DGKB: variants seen among roughly 807,000 people sequenced by gnomAD.
The protein encoded by DGKB is 90 kDa diacylglycerol kinase.
In DGKB, 67 loss-of-function variants were observed where a neutral mutation model predicts 114.3. The observed-to-expected ratio is 0.59, with a 90% CI of 0.48 to 0.72. The LOEUF is 0.72. Ranked by LOEUF, DGKB falls within the 30% of genes least tolerant of loss-of-function variation. The pLI, the probability that DGKB is intolerant of heterozygous loss-of-function variation, is 0.00. For missense variants in DGKB, 907 were observed against 975.2 expected (o/e 0.93, Z 0.93); for synonymous variants, 398 against 323.1 (o/e 1.23, Z -2.49).
chr7:14,929,929 C>T (rs903601307), intron 1 of DGKB, among the ~76,000 whole-genome samples: 8 of 152,118 alleles, frequency 5.3e-5, no homozygotes, highest in African/African-American at 1.9e-4. Context: ...CAGTTTCATG[C>T]TTTTGCTTAC....
chr7:14,415,738 C>T (rs1371533663), intron 21 of DGKB, among the ~76,000 whole-genome samples: 1 of 152,114 alleles, frequency 6.6e-6, no homozygotes, highest in Non-Finnish European at 1.5e-5. Flanking sequence ...CCTACATGTG[C>T]ATGTGTCTTT....
At chr7:14,442,518 C>G (rs1013543188) in intron 21 of DGKB, among the ~76,000 whole-genome samples, 1 of 151,978 alleles carries the variant, frequency 6.6e-6, no homozygotes, top group African/African-American at 2.4e-5. Context: ...ATGTGTTTAA[C>G]TCTCCTCAAA....
intron 1 of DGKB, among the ~76,000 whole-genome samples, chr7:14,972,049 T>C (rs1336749643): frequency 3.9e-5 from 6 of 152,080 alleles, no homozygotes; most frequent in Admixed American, 3.9e-4. Context: ...CCTGACCTAT[T>C]GAAGGCATTT....
At chr7:14,403,006 C>G (rs919743083) in intron 21 of DGKB, among the ~76,000 whole-genome samples, 1 of 151,874 alleles carries the variant, frequency 6.6e-6, no homozygotes, top group Non-Finnish European at 1.5e-5. Flanking sequence ...ATAGCATGAT[C>G]CAATTCCTTA....
chr7:14,557,257 C>G (rs776038170), intron 20 of DGKB, among the ~76,000 whole-genome samples: 2 of 152,168 alleles, frequency 1.3e-5, no homozygotes, highest in Non-Finnish European at 2.9e-5. Flanking sequence ...GCAAAATGTT[C>G]CATTTCTTCT....
chr7:14,408,914 C>T (rs558198858), intron 21 of DGKB, among the ~76,000 whole-genome samples: 44 of 151,850 alleles, frequency 2.9e-4, no homozygotes, highest in African/African-American at 9.9e-4. Flanking sequence ...ATGTCATGAG[C>T]GCATAAAAGA....
At chr7:14,523,783 G>C (rs1790177094) in intron 20 of DGKB, among the ~76,000 whole-genome samples, 1 of 152,110 alleles carries the variant, frequency 6.6e-6, no homozygotes, top group African/African-American at 2.4e-5. Context: ...GTAGTAGAAA[G>C]AGCTTAAGTT....
chr7:14,655,406 A>C (rs1230928000), intron 13 of DGKB, among the ~76,000 whole-genome samples: 1 of 151,880 alleles, frequency 6.6e-6, no homozygotes, highest in African/African-American at 2.4e-5. Flanking sequence ...GCTAGGATGC[A>C]GAGAAAAGGG....
At chr7:14,363,897 G>T (rs1386830188) in intron 21 of DGKB, among the ~76,000 whole-genome samples, 1 of 152,028 alleles carries the variant, frequency 6.6e-6, no homozygotes, top group Non-Finnish European at 1.5e-5. Flanking sequence ...ATGAATTAGA[G>T]AGAAATGAGC....
intron 5 of DGKB, among the ~76,000 whole-genome samples, chr7:14,727,721 A>C (rs2128376859): frequency 6.6e-6 from 1 of 152,180 alleles, no homozygotes; most frequent in Non-Finnish European, 1.5e-5. Context: ...TGTTTTGGGG[A>C]CCCTGACTTT....
intron 21 of DGKB, among the ~76,000 whole-genome samples, chr7:14,358,170 A>ACC (rs1332939651): frequency 1.3e-5 from 2 of 152,144 alleles, no homozygotes; most frequent in Non-Finnish European, 2.9e-5. Context: ...TCTCCTGGAT[A>ACC]ATATCCTGAA....
intron 1 of DGKB, among the ~76,000 whole-genome samples, chr7:14,881,127 A>C (rs1037396215): frequency 6.6e-6 from 1 of 152,170 alleles, no homozygotes; most frequent in African/African-American, 2.4e-5. Context: ...CACCATTGCC[A>C]GACTAGATGC....
At chr7:14,195,721 A>C (rs189399621) in intron 23 of DGKB, among the ~76,000 whole-genome samples, 2 of 152,288 alleles carry the variant, frequency 1.3e-5, no homozygotes, top group Admixed American at 1.3e-4. Context: ...GTACATTTGA[A>C]CTCACTTATA....
chr7:14,692,644 T>A (rs995198609), intron 9 of DGKB, among the ~76,000 whole-genome samples: 14 of 151,222 alleles, frequency 9.3e-5, no homozygotes, highest in African/African-American at 3.4e-4. Flanking sequence ...AAATACTATT[T>A]CACAAAATTT....
intron 23 of DGKB, among the ~76,000 whole-genome samples, chr7:14,185,207 G>C (rs114365475): frequency 6.6e-6 from 1 of 152,088 alleles, no homozygotes; most frequent in Non-Finnish European, 1.5e-5. Flanking sequence ...CAAATCAGTA[G>C]CTCTTGTACA....
intron 5 of DGKB, among the ~76,000 whole-genome samples, chr7:14,735,744 C>T (rs193237020): frequency 7.2e-5 from 11 of 152,204 alleles, no homozygotes; most frequent in East Asian, 1.9e-4. Flanking sequence ...GCAATCTATA[C>T]GTATCTAGTT....
intron 17 of DGKB, among the ~76,000 whole-genome samples, chr7:14,605,516 T>C (rs1804337241): frequency 6.6e-6 from 1 of 151,708 alleles, no homozygotes; most frequent in Non-Finnish European, 1.5e-5. Flanking sequence ...GTAGTAGTGC[T>C]CAAAGTGGGA....
chr7:14,766,197 T>C (rs892039793), intron 2 of DGKB, among the ~76,000 whole-genome samples: 1 of 151,984 alleles, frequency 6.6e-6, no homozygotes. Flanking sequence ...TTCCAACTAT[T>C]GGAATATATC....
intron 2 of DGKB, among the ~76,000 whole-genome samples, chr7:14,787,320 A>C (rs1440388770): frequency 6.6e-6 from 1 of 152,206 alleles, no homozygotes; most frequent in Non-Finnish European, 1.5e-5. Flanking sequence ...TTTAGAAATA[A>C]AGCTAAGTTC....
Sources: allele counts gnomAD v4.1 joint callset (sites outside exome capture counted in the v4.1 genomes callset), GRCh38; gene constraint gnomAD v4.1.1; transcripts MANE v1.5; gene names NCBI Gene and HGNC (gene_info 2026-07-23, HGNC 2026-07-21).